The following ZNF521 variants were observed in gnomAD, a reference collection of about 807,000 sequenced individuals.
ZNF521 encodes the protein LYST-interacting protein 3.
Under a neutral mutation model 105.5 loss-of-function variants are expected in ZNF521, and 14 were observed. That is an observed-to-expected ratio of 0.13 (90% CI 0.09 to 0.21). ZNF521 has a LOEUF of 0.21. Ranked by LOEUF, ZNF521 falls within the 10% of genes least tolerant of loss-of-function variation. The probability of loss-of-function intolerance (pLI) is 1.00; values close to 1 mark genes in which losing one functional copy is unlikely to be tolerated. For synonymous variants in ZNF521, 635 were observed against 606.0 expected (o/e 1.05, Z -0.70); for missense variants, 1,233 against 1,629.7 (o/e 0.76, Z 4.19).
At chr18:25,064,470 T>C (rs2032997825) in intron 7 of ZNF521, among the ~76,000 whole-genome samples, 1 of 152,200 alleles carries the variant, frequency 6.6e-6, no homozygotes, top group South Asian at 2.1e-4. Flanking sequence ...TTGGATGAAT[T>C]CTTCTGGAGT....
chr18:25,270,902 ATAG>A (rs1909613350), intron 3 of ZNF521, among the ~76,000 whole-genome samples: 2 of 152,210 alleles, frequency 1.3e-5, no homozygotes, highest in Non-Finnish European at 2.9e-5. Flanking sequence ...CCTGTTCAGC[ATAG>A]TATTGGAAGT....
chr18:25,256,717 T>C (rs952957765), intron 3 of ZNF521, among the ~76,000 whole-genome samples: 2 of 151,346 alleles, frequency 1.3e-5, no homozygotes, highest in Admixed American at 6.6e-5. Flanking sequence ...TGTGAGGAAA[T>C]GGGGCAATCT....
intron 5 of ZNF521, among the ~76,000 whole-genome samples, chr18:25,103,986 A>G (rs1382346330): frequency 6.6e-6 from 1 of 152,176 alleles, no homozygotes. Flanking sequence ...AAAAGGGCCC[A>G]ACAAAAACCA....
intron 4 of ZNF521, chr18:25,202,101 A>T (rs1404068037): frequency 6.6e-6 from 1 of 152,206 alleles, no homozygotes; most frequent in Non-Finnish European, 1.5e-5. Context: ...TCACCCTTTT[A>T]AGTGAACTTT....
rs575046251 is a variant in ZNF521 at position 25,163,252 on chromosome 18, T to C, written c.3658+31908A>G. Among the ~76,000 whole-genome samples the C allele has an allele frequency of 2.6e-5, 4 of 152,302 alleles. No homozygotes were observed. In the East Asian group the frequency reaches 7.7e-4, roughly 29 times the overall value. On this transcript the variant is annotated intron_variant, in intron 5 of 7. Coordinates refer to ENST00000361524, the MANE Select transcript of ZNF521 (RefSeq NM_015461.3). ...ATGATAAATAAAATGGATCCACATATGTTCTGTGCAATGCAAGTATGGCCT... is the reference window on the plus strand; with the variant it reads ...ATGATAAATAAAATGGATCCACATACGTTCTGTGCAATGCAAGTATGGCCT...
intron 3 of ZNF521, among the ~76,000 whole-genome samples, chr18:25,237,253 A>G (rs886288527): frequency 6.6e-6 from 1 of 152,230 alleles, no homozygotes; most frequent in Non-Finnish European, 1.5e-5. Flanking sequence ...ATGCCAAAGT[A>G]GTTTTTCAAA....
intron 3 of ZNF521, among the ~76,000 whole-genome samples, chr18:25,294,282 G>A (rs1032688351): frequency 1.3e-5 from 2 of 151,896 alleles, no homozygotes; most frequent in Admixed American, 6.6e-5. Context: ...CTGCTGATCC[G>A]CTGGTCAGTT....
intron 5 of ZNF521, among the ~76,000 whole-genome samples, chr18:25,137,143 A>G (rs182956893): frequency 6.6e-6 from 1 of 152,210 alleles, no homozygotes. Flanking sequence ...TTCCTAAAAC[A>G]GCCAAAATCT....
Position 25,265,999 on chromosome 18 carries a change from C to T in ZNF521, c.221-38302G>A, listed in dbSNP as rs539221177. On this transcript the variant is annotated intron_variant, in intron 3 of 7. Transcript: ENST00000361524. ...AACTAAAAATCAAAACAATTGAACT[C>T]ATGAATACAGTGAGTAGGAGGATGG... Among the ~76,000 whole-genome samples the T allele has an allele frequency of 2.0e-5, 3 of 152,126 alleles. No homozygotes were observed. In the East Asian group the frequency reaches 5.8e-4, roughly 29 times the overall value.
At chr18:25,111,357 T>C (rs766603436) in intron 5 of ZNF521, among the ~76,000 whole-genome samples, 32 of 152,234 alleles carry the variant, frequency 2.1e-4, no homozygotes, top group Non-Finnish European at 4.1e-4. Flanking sequence ...GCTACCTCAT[T>C]GTAACCTCTA....
intron 2 of ZNF521, among the ~76,000 whole-genome samples, chr18:25,347,709 T>G (rs539210902): frequency 9.8e-5 from 15 of 152,368 alleles, no homozygotes; most frequent in African/African-American, 3.6e-4. Context: ...TAAATTCAAC[T>G]GTTAATAGAA....
chr18:25,295,488 C>G (rs974942995), intron 3 of ZNF521, among the ~76,000 whole-genome samples: 1 of 151,786 alleles, frequency 6.6e-6, no homozygotes, highest in African/African-American at 2.4e-5. Context: ...GTCTGTAACA[C>G]AAAAGATAAA....
chr18:25,077,197 A>G lies in ZNF521; in HGVS notation c.3906+12268T>C, dbSNP rs373101995. On this transcript the variant is annotated intron_variant, in intron 7 of 7. Coordinates refer to ENST00000361524, the MANE Select transcript of ZNF521 (RefSeq NM_015461.3). ...AGACAGCTCTGAATACAAGGGTCAC[A>G]TGGCAAGGAAAGCCTACACAGCAAA... 9.8e-5 allele frequency among the ~76,000 whole-genome samples: 15 copies of G among 152,330 alleles called. No individual in the cohort carries two copies. In the East Asian group the frequency reaches 2.5e-3, roughly 25 times the overall value.
chr18:25,167,392 G>A (rs1298777179), intron 5 of ZNF521, among the ~76,000 whole-genome samples: 1 of 151,990 alleles, frequency 6.6e-6, no homozygotes, highest in Non-Finnish European at 1.5e-5. Flanking sequence ...TAATTCTAAA[G>A]GTAAAATACT....
chr18:25,160,988 C>G (rs1242562676), intron 5 of ZNF521, among the ~76,000 whole-genome samples: 1 of 152,108 alleles, frequency 6.6e-6, no homozygotes, highest in Non-Finnish European at 1.5e-5. Flanking sequence ...GCCCCTGGCT[C>G]AGCTGTGGCA....
intron 3 of ZNF521, among the ~76,000 whole-genome samples, chr18:25,308,540 A>G (rs576068249): frequency 9.2e-5 from 14 of 151,628 alleles, no homozygotes; most frequent in African/African-American, 3.4e-4. Flanking sequence ...TCTTCTGTCG[A>G]CCTGAAGCAC....
chr18:25,111,321 A>G (rs2034185645), intron 5 of ZNF521, among the ~76,000 whole-genome samples: 1 of 152,154 alleles, frequency 6.6e-6, no homozygotes, highest in Admixed American at 6.5e-5. Context: ...TTACTAATCT[A>G]TGGGCAATCA....
At chr18:25,333,097 A>T (rs920346261) in intron 2 of ZNF521, among the ~76,000 whole-genome samples, 6 of 151,708 alleles carry the variant, frequency 4.0e-5, no homozygotes, top group Non-Finnish European at 7.4e-5. Flanking sequence ...TATATACTAG[A>T]GTAGTATATA....
chr18:25,282,494 C>T (rs955454987), intron 3 of ZNF521, among the ~76,000 whole-genome samples: 1 of 152,042 alleles, frequency 6.6e-6, no homozygotes, highest in African/African-American at 2.4e-5. Context: ...AGGAAGTCTG[C>T]AGAGCGGCAC....
Sources: allele counts gnomAD v4.1 joint callset (sites outside exome capture counted in the v4.1 genomes callset), GRCh38; gene constraint gnomAD v4.1.1; transcripts MANE v1.5; gene names NCBI Gene and HGNC (gene_info 2026-07-23, HGNC 2026-07-21).